Variants in UTY observed in about 807,000 individuals in gnomAD.
The protein encoded by UTY is histone demethylase UTY.
A neutral mutation model predicts 32.5 loss-of-function variants in UTY; 12 were observed. The observed-to-expected ratio is 0.37, with a 90% CI of 0.24 to 0.60. UTY has a LOEUF of 0.60. Among genes scored for constraint, UTY ranks in the 20% least tolerant of loss-of-function variants. UTY has a pLI of 0.69. For missense variants in UTY, 303 were observed against 299.2 expected, an observed-to-expected ratio of 1.01 and a Z score of -0.09; for synonymous variants, 131 against 103.4, an observed-to-expected ratio of 1.27 and a Z score of -1.62.
intron 8 of UTY, among the ~76,000 whole-genome samples, chrY:13,390,550 T>G (rs2067440227): frequency 8.8e-5 from 3 of 33,984 alleles, no homozygotes; most frequent in Non-Finnish European, 1.5e-4. Flanking sequence ...CACTGATTAG[T>G]TTGCAATGTT....
intron 9 of UTY, among the ~76,000 whole-genome samples, chrY:13,366,878 T>C (rs780043812): frequency 2.9e-5 from 1 of 34,802 alleles, no homozygotes; most frequent in South Asian, 6.1e-4. Context: ...TCTCGCTCTA[T>C]CGCCCAGGAT....
chrY:13,313,698 C>A (rs2059328254), intron 21 of UTY, among the ~76,000 whole-genome samples: 1 of 33,675 alleles, frequency 3.0e-5, no homozygotes, highest in Admixed American at 2.7e-4. Context: ...GAAATAAATG[C>A]TCTTCTTTCC....
intron 3 of UTY, among the ~76,000 whole-genome samples, chrY:13,469,645 C>A: frequency 3.0e-5 from 1 of 33,643 alleles, no homozygotes; most frequent in Non-Finnish European, 7.3e-5. Flanking sequence ...GAATAACACA[C>A]TGTATTCTAA....
chrY:13,432,572 A>G, intron 4 of UTY, among the ~76,000 whole-genome samples: 9 of 32,925 alleles, frequency 2.7e-4, no homozygotes, highest in African/African-American at 1.1e-3. Context: ...CACACACTAC[A>G]CTGACCACCT....
At chrY:13,268,282 A>C in intron 27 of UTY, among the ~76,000 whole-genome samples, 2 of 33,120 alleles carry the variant, frequency 6.0e-5, no homozygotes, top group African/African-American at 1.2e-4. Flanking sequence ...AGTTGTTTTC[A>C]ATCTCTGATA....
Position 13,302,918 on chromosome Y carries a change from T to C in UTY, c.3639A>G (p.Val1213=). 1.3e-5 allele frequency: 5 copies of C among 395,747 alleles called. No homozygotes were observed. The highest frequency in any genetic ancestry group is 1.8e-5 in the Non-Finnish European group (5 of 281,047). The stretch of plus-strand genomic sequence containing the variant: ...TCAGAACACCCCAATAATCTTCAGG[T>C]ACAACAAACCATTCACAATCTCCTG... ...IGPGDCEWFV[V]PEDYWGVLND... Residue 1213 remains valine, a synonymous_variant, in exon 25 of 30, where the codon GTA becomes GTG. Transcript: ENST00000545955.
intron 27 of UTY, among the ~76,000 whole-genome samples, chrY:13,292,934 A>G: frequency 3.0e-5 from 1 of 33,540 alleles, no homozygotes; most frequent in East Asian, 7.9e-4. Context: ...GCAGCATATT[A>G]AAAGGATCAT....
chrY:13,402,203 T>C, intron 6 of UTY, among the ~76,000 whole-genome samples: 1 of 33,518 alleles, frequency 3.0e-5, no homozygotes, highest in Non-Finnish European at 7.4e-5. Flanking sequence ...ACACCTCACA[T>C]TACAGAAAGC....
At chrY:13,434,285 C>G in intron 4 of UTY, among the ~76,000 whole-genome samples, 2 of 33,924 alleles carry the variant, frequency 5.9e-5, no homozygotes, top group Admixed American at 2.7e-4. Flanking sequence ...CACTGCCACC[C>G]CCACCTCTCA....
chrY:13,245,754 CTTAT>C (rs2053940978), downstream of UTY, among the ~76,000 whole-genome samples: 1 of 33,592 alleles, frequency 3.0e-5, no homozygotes, highest in African/African-American at 1.2e-4. Context: ...ATTTTGCAAA[CTTAT>C]TGATTCTTTT....
At chrY:13,246,088 T>G (rs2053945064), downstream of UTY, among the ~76,000 whole-genome samples, 2 of 32,959 alleles carry the variant, frequency 6.1e-5, no homozygotes, top group African/African-American at 2.4e-4. Flanking sequence ...CCCAAGAAGC[T>G]GGCAGTACAG....
intron 4 of UTY, among the ~76,000 whole-genome samples, chrY:13,421,962 AT>A (rs2072611013): frequency 2.4e-4 from 8 of 33,089 alleles, no homozygotes; most frequent in African/African-American, 7.1e-4. Flanking sequence ...GTCTACTATA[AT>A]TTTTTTTAAT....
intron 8 of UTY, among the ~76,000 whole-genome samples, chrY:13,371,491 T>C: frequency 6.0e-5 from 2 of 33,071 alleles, no homozygotes; most frequent in Non-Finnish European, 1.5e-4. Context: ...CACATGCAAA[T>C]GAAGTCCAAA....
At chrY:13,294,287 A>C in intron 27 of UTY, among the ~76,000 whole-genome samples, 1 of 33,752 alleles carries the variant, frequency 3.0e-5, no homozygotes, top group Non-Finnish European at 7.3e-5. Context: ...AAAAGAACAG[A>C]GACCTCAGAA....
chrY:13,341,760 C>G (rs2061500023), intron 17 of UTY, among the ~76,000 whole-genome samples: 2 of 33,006 alleles, frequency 6.1e-5, no homozygotes, highest in African/African-American at 1.2e-4. Flanking sequence ...GGAACTCAAG[C>G]AGTTGGACCA....
At chrY:13,437,563 C>T (rs913374073) in intron 4 of UTY, among the ~76,000 whole-genome samples, 1 of 33,842 alleles carries the variant, frequency 3.0e-5, no homozygotes, top group African/African-American at 1.2e-4. Context: ...AGGCAGTATG[C>T]GGAAGCTCAG....
At position 13,325,684 on chromosome Y, in the gene UTY, C is replaced by T. The variant is rs2032666; in HGVS notation, c.2964+537G>A. ...AAATTCCTTTATTAAAGAAATGTAA[C>T]ATTCAACAGGTATACATAACTAGCA... is the stretch of plus-strand genomic sequence containing the variant. On this transcript the variant is annotated intron_variant, in intron 19 of 29. Coordinates refer to ENST00000545955, the MANE Select transcript of UTY (RefSeq NM_001258249.2). Among the ~76,000 whole-genome samples, 153 of 33,565 alleles carry T rather than the reference C, an allele frequency of 4.6e-3. No individual in the cohort carries two copies. In the East Asian group the frequency reaches 0.066, roughly 15 times the overall value. The allele number at this position is 33,565 out of a possible 37,273, so 90.1% of individuals were successfully genotyped here.
At chrY:13,353,844 G>T (rs2062609113) in intron 17 of UTY, among the ~76,000 whole-genome samples, 2 of 34,057 alleles carry the variant, frequency 5.9e-5, no homozygotes, top group South Asian at 1.3e-3. Context: ...CTGAATTGCT[G>T]CAAGTGCACA....
At chrY:13,389,521 T>C in intron 8 of UTY, among the ~76,000 whole-genome samples, 2 of 33,500 alleles carry the variant, frequency 6.0e-5, no homozygotes, top group Admixed American at 5.5e-4. Flanking sequence ...TGATGTAAGA[T>C]AAAAATCTAA....
Sources: allele counts gnomAD v4.1 joint callset (sites outside exome capture counted in the v4.1 genomes callset), GRCh38; gene constraint gnomAD v4.1.1; transcripts MANE v1.5; gene names NCBI Gene and HGNC (gene_info 2026-07-23, HGNC 2026-07-21).